Variants in UGT1A5 observed in about 807,000 individuals in gnomAD.
UGT1A5 encodes the protein UDP glucuronosyltransferase family 1 member A5, also known as UDP-glucuronosyltransferase 1A5.
A neutral mutation model predicts 40.3 loss-of-function variants in UGT1A5; 29 were observed. That is an observed-to-expected ratio of 0.72 (90% CI 0.54 to 0.98). The LOEUF (loss-of-function observed/expected upper bound fraction) is 0.98. Ranked by LOEUF, UGT1A5 falls within the 50% of genes least tolerant of loss-of-function variation. The pLI is 0.00. For missense variants in UGT1A5, 678 were observed against 677.9 expected, an observed-to-expected ratio of 1.00 and a Z score of 0.00; for synonymous variants, 257 against 262.5, an observed-to-expected ratio of 0.98 and a Z score of 0.20.
chr2:233,743,634 C>G lies in UGT1A5; in HGVS notation c.868-23400C>G, dbSNP rs776464072. On this transcript the variant is annotated intron_variant, in intron 1 of 4. Coordinates refer to ENST00000373414, the MANE Select transcript of UGT1A5 (RefSeq NM_019078.2). ...AACTCCCTGAAGACGTCGGCTGGGT[C>G]GCGGAAGCTGAAGACGTACTCGAAG... is the stretch of plus-strand genomic sequence containing the variant. 14 of 1,367,180 alleles carry G rather than the reference C, an allele frequency of 1.0e-5. No individual in the cohort carries two copies. In the South Asian group the frequency reaches 1.5e-4, roughly 14 times the overall value. 84.7% of individuals were successfully genotyped at this position (1,367,180 alleles called of 1,614,324 possible).
chr2:233,767,013 A>C, intron 1 of UGT1A5, 21 bp from the exon 2 acceptor site: 3 of 1,613,858 alleles, frequency 1.9e-6, no homozygotes, highest in Non-Finnish European at 2.5e-6. Flanking sequence ...AATTAACTGA[A>C]AATTTTTCTT....
intron 1 of UGT1A5, chr2:233,742,967 A>G (rs764495397): frequency 2.3e-5 from 5 of 219,774 alleles, no homozygotes; most frequent in African/African-American, 4.7e-5. Context: ...TGTCTGCCTC[A>G]GGCTTAAGTT....
chr2:233,762,045 A>G (rs187851388), intron 1 of UGT1A5, among the ~76,000 whole-genome samples: 1 of 151,958 alleles, frequency 6.6e-6, no homozygotes, highest in African/African-American at 2.4e-5. Flanking sequence ...TTTTCTGTGC[A>G]TTTTCCTTCA....
intron 1 of UGT1A5, chr2:233,760,364 A>G (rs1697418455): frequency 1.9e-6 from 3 of 1,614,036 alleles, no homozygotes; most frequent in Non-Finnish European, 2.5e-6. Flanking sequence ...GTGGTGTCCC[A>G]TGCTGGGAAG....
At chr2:233,721,208 T>A (rs1235207261) in intron 1 of UGT1A5, among the ~76,000 whole-genome samples, 1 of 152,250 alleles carries the variant, frequency 6.6e-6, no homozygotes, top group Non-Finnish European at 1.5e-5. Context: ...ACTGGTTTTC[T>A]TTTCCCCTTA....
chr2:233,755,296 C>A (rs1695848823), intron 1 of UGT1A5: 2 of 630,266 alleles, frequency 3.2e-6, no homozygotes, highest in Admixed American at 6.1e-5. Flanking sequence ...GCCTGCGGGG[C>A]ACTGGCACAG....
chr2:233,736,579 A>C (rs2078778332), intron 1 of UGT1A5, among the ~76,000 whole-genome samples: 2 of 152,120 alleles, frequency 1.3e-5, no homozygotes. Flanking sequence ...GATCCTTTGG[A>C]GGAGATGTGC....
At chr2:233,724,757 G>A (rs2077306288) in intron 1 of UGT1A5, among the ~76,000 whole-genome samples, 1 of 143,864 alleles carries the variant, frequency 7.0e-6, no homozygotes, top group Non-Finnish European at 1.5e-5. Context: ...CCAGACGATG[G>A]GCGGCCAGGC....
chr2:233,763,503 T>C (rs1459749644), intron 1 of UGT1A5, among the ~76,000 whole-genome samples: 1 of 152,236 alleles, frequency 6.6e-6, no homozygotes, highest in Admixed American at 6.5e-5. Flanking sequence ...GTTTACTTTA[T>C]GTTTAGTTGA....
chr2:233,765,641 G>A (rs914163891), intron 1 of UGT1A5, among the ~76,000 whole-genome samples: 1 of 151,492 alleles, frequency 6.6e-6, no homozygotes, highest in African/African-American at 2.4e-5. Flanking sequence ...TTAGAGGATA[G>A]GTCAATAGGT....
chr2:233,765,894 C>T (rs527736361), intron 1 of UGT1A5, among the ~76,000 whole-genome samples: 4 of 152,178 alleles, frequency 2.6e-5, no homozygotes, highest in African/African-American at 9.6e-5. Context: ...CAGTGCGCCA[C>T]TGCTCAAACC....
At chr2:233,722,525 T>C (rs1187411582) in intron 1 of UGT1A5, among the ~76,000 whole-genome samples, 1 of 152,230 alleles carries the variant, frequency 6.6e-6, no homozygotes, top group Non-Finnish European at 1.5e-5. Flanking sequence ...TATTTTTGCC[T>C]TAATGATTTC....
intron 1 of UGT1A5, among the ~76,000 whole-genome samples, chr2:233,725,765 A>G (rs547066557): frequency 6.7e-4 from 102 of 152,264 alleles, no homozygotes; most frequent in African/African-American, 2.2e-3. Flanking sequence ...CATTTTCTTC[A>G]CATAGTTTGT....
At chr2:233,728,213 C>A (rs2077690894) in intron 1 of UGT1A5, among the ~76,000 whole-genome samples, 1 of 152,180 alleles carries the variant, frequency 6.6e-6, no homozygotes, top group Non-Finnish European at 1.5e-5. Flanking sequence ...TGGAGAAGAG[C>A]CTGACCATAA....
intron 1 of UGT1A5, among the ~76,000 whole-genome samples, chr2:233,716,830 C>G (rs1426652870): frequency 6.6e-6 from 1 of 152,152 alleles, no homozygotes; most frequent in African/African-American, 2.4e-5. Flanking sequence ...CTCACTGACA[C>G]CCATGGCTTC....
At chr2:233,743,773 C>CT in intron 1 of UGT1A5, 1 of 1,367,366 alleles carries the variant, frequency 7.3e-7, no homozygotes, top group Non-Finnish European at 9.8e-7. Flanking sequence ...CCTCGGCCAC[C>CT]TGCTTGAATC....
chr2:233,758,735 C>T (rs1420217475), intron 1 of UGT1A5, among the ~76,000 whole-genome samples: 1 of 152,162 alleles, frequency 6.6e-6, no homozygotes, highest in Admixed American at 6.5e-5. Context: ...AGCACATCCC[C>T]AAGTATGGCT....
intron 1 of UGT1A5, among the ~76,000 whole-genome samples, chr2:233,724,618 G>T (rs1325870277): frequency 7.3e-6 from 1 of 137,158 alleles, no homozygotes; most frequent in South Asian, 2.8e-4. Context: ...GGGCAGAGAC[G>T]CTCCTCACTT....
intron 1 of UGT1A5, among the ~76,000 whole-genome samples, chr2:233,744,682 A>C (rs1267258070): frequency 1.3e-5 from 2 of 151,904 alleles, no homozygotes; most frequent in African/African-American, 4.9e-5. Flanking sequence ...TCACCCATGT[A>C]GCTTCTGGAA....
Sources: gnomAD v4.1 joint callset for allele counts (sites outside exome capture counted in the v4.1 genomes callset) on GRCh38, gnomAD v4.1.1 for gene constraint, MANE v1.5 for transcripts, NCBI Gene and HGNC (gene_info 2026-07-23, HGNC 2026-07-21) for gene names.